The following SGCZ variants were observed in gnomAD, a reference collection of about 807,000 sequenced individuals.
The protein encoded by SGCZ is sarcoglycan zeta, also known as zeta-sarcoglycan.
SGCZ carries 40 observed loss-of-function variants against 41.3 expected under a neutral mutation model. The observed-to-expected ratio is 0.97, with a 90% CI of 0.75 to 1.26. SGCZ has a LOEUF of 1.26. SGCZ is among the 50% of genes most tolerant of loss of function. The pLI is 0.00. For missense variants in SGCZ, 552 were observed against 369.8 expected (o/e 1.49, Z -4.04); for synonymous variants, 206 against 137.5 (o/e 1.50, Z -3.49).
chr8:14,484,208 T>G (rs1801611588), intron 2 of SGCZ, among the ~76,000 whole-genome samples: 1 of 152,182 alleles, frequency 6.6e-6, no homozygotes, highest in African/African-American at 2.4e-5. Flanking sequence ...CGTTTGGATG[T>G]GGAAATGTAA....
chr8:14,681,345 G>C (rs542536180), intron 1 of SGCZ, among the ~76,000 whole-genome samples: 5 of 152,130 alleles, frequency 3.3e-5, no homozygotes, highest in African/African-American at 9.6e-5. Flanking sequence ...GTATTAAAGG[G>C]GGAAAAATGA....
chr8:14,339,589 G>A (rs1377943966), intron 2 of SGCZ, among the ~76,000 whole-genome samples: 1 of 152,114 alleles, frequency 6.6e-6, no homozygotes, highest in African/African-American at 2.4e-5. Flanking sequence ...AGGCTTGCAT[G>A]GTTTATTTGT....
At chr8:14,546,538 C>G (rs1275407483) in intron 2 of SGCZ, among the ~76,000 whole-genome samples, 1 of 152,126 alleles carries the variant, frequency 6.6e-6, no homozygotes, top group Non-Finnish European at 1.5e-5. Context: ...TATGCCCGCT[C>G]TGCTAAACTC....
chr8:15,222,153 T>C (rs570714084), intron 1 of SGCZ, among the ~76,000 whole-genome samples: 1 of 152,360 alleles, frequency 6.6e-6, no homozygotes, highest in African/African-American at 2.4e-5. Context: ...GTGCAAGTTA[T>C]ATTATCAAAG....
intron 1 of SGCZ, among the ~76,000 whole-genome samples, chr8:14,583,449 G>T (rs898312097): frequency 6.6e-6 from 1 of 152,028 alleles, no homozygotes; most frequent in Non-Finnish European, 1.5e-5. Flanking sequence ...CTCCCATTTT[G>T]TAGGTTGCCT....
At chr8:14,524,574 T>G (rs1802884282) in intron 2 of SGCZ, among the ~76,000 whole-genome samples, 1 of 152,120 alleles carries the variant, frequency 6.6e-6, no homozygotes, top group African/African-American at 2.4e-5. Context: ...AAACATACAT[T>G]TTAAAAAACA....
At chr8:14,279,978 G>A (rs1349269865) in intron 3 of SGCZ, among the ~76,000 whole-genome samples, 2 of 151,656 alleles carry the variant, frequency 1.3e-5, no homozygotes, top group Non-Finnish European at 2.9e-5. Flanking sequence ...CTCAGCTTAG[G>A]GGCTTTGCTA....
intron 1 of SGCZ, among the ~76,000 whole-genome samples, chr8:14,866,552 G>A (rs1488914089): frequency 6.6e-6 from 1 of 152,106 alleles, no homozygotes; most frequent in African/African-American, 2.4e-5. Flanking sequence ...ACTCATGCCT[G>A]TAATGCCAGC....
chr8:15,143,682 G>A lies in SGCZ; in HGVS notation c.39+93903C>T, dbSNP rs537140358. On this transcript the variant is annotated intron_variant, in intron 1 of 7. Transcript: ENST00000382080. ...AATTAACCCATCTCCTTGGGGCTCA[G>A]TTTTTGCATCTCTAAAGTAAGGTAG... is the stretch of plus-strand genomic sequence containing the variant. Among the ~76,000 whole-genome samples the A allele has an allele frequency of 2.0e-5, 3 of 152,070 alleles. No homozygotes were observed. The South Asian group carries it at 6.2e-4, about 32-fold the overall frequency.
chr8:15,100,419 GAAAACCGC>G (rs148419540), intron 1 of SGCZ, among the ~76,000 whole-genome samples: 2,186 of 152,068 alleles, frequency 0.014, 57 homozygotes, highest in East Asian at 0.11. Flanking sequence ...CAGATATGAG[GAAAACCGC>G]AAAATACTGA....
At chr8:14,219,015 G>C (rs908326681) in intron 4 of SGCZ, among the ~76,000 whole-genome samples, 1 of 152,194 alleles carries the variant, frequency 6.6e-6, no homozygotes, top group African/African-American at 2.4e-5. Context: ...AACTGGAGAG[G>C]TGAAAAAGCT....
chr8:15,121,288 T>C (rs777564921), intron 1 of SGCZ, among the ~76,000 whole-genome samples: 9 of 152,224 alleles, frequency 5.9e-5, no homozygotes, highest in South Asian at 4.1e-4. Flanking sequence ...TCCTCCAAGC[T>C]CTTTCCAATT....
chr8:14,894,710 T>A (rs77570677), intron 1 of SGCZ, among the ~76,000 whole-genome samples: 4 of 152,322 alleles, frequency 2.6e-5, no homozygotes, highest in Non-Finnish European at 5.9e-5. Context: ...AGCTTTGTTG[T>A]CTTTAGAAAC....
chr8:14,488,520 T>C (rs1185006905), intron 2 of SGCZ, among the ~76,000 whole-genome samples: 2 of 152,068 alleles, frequency 1.3e-5, no homozygotes, highest in Non-Finnish European at 2.9e-5. Context: ...AATCATCCCC[T>C]AGCCTCTAGC....
At chr8:14,534,197 A>G (rs1264235901) in intron 2 of SGCZ, among the ~76,000 whole-genome samples, 20 of 151,998 alleles carry the variant, frequency 1.3e-4, no homozygotes. Context: ...AGCTGAAGTT[A>G]TGAGGTAGCA....
At chr8:14,750,823 A>G (rs961779179) in intron 1 of SGCZ, among the ~76,000 whole-genome samples, 2 of 152,174 alleles carry the variant, frequency 1.3e-5, no homozygotes, top group African/African-American at 2.4e-5. Context: ...CGAAATGCAT[A>G]TTACTGTGCC....
chr8:14,683,167 A>G (rs936215028), intron 1 of SGCZ, among the ~76,000 whole-genome samples: 1 of 152,178 alleles, frequency 6.6e-6, no homozygotes, highest in Non-Finnish European at 1.5e-5. Flanking sequence ...CAAGGTACTC[A>G]GGTGTAAAAT....
intron 1 of SGCZ, among the ~76,000 whole-genome samples, chr8:15,016,110 C>G (rs1042655203): frequency 4.6e-5 from 7 of 152,098 alleles, no homozygotes; most frequent in African/African-American, 1.7e-4. Flanking sequence ...GGTCTTGCTC[C>G]CAACATTAAT....
chr8:14,522,107 T>C (rs1271232692), intron 2 of SGCZ, among the ~76,000 whole-genome samples: 1 of 152,136 alleles, frequency 6.6e-6, no homozygotes, highest in East Asian at 1.9e-4. Flanking sequence ...GAGTCCCTGG[T>C]AGAAACCTTA....
Sources: allele counts gnomAD v4.1 joint callset (sites outside exome capture counted in the v4.1 genomes callset), GRCh38; gene constraint gnomAD v4.1.1; transcripts MANE v1.5; gene names NCBI Gene and HGNC (gene_info 2026-07-23, HGNC 2026-07-21).